IPCEF1: variants seen among roughly 807,000 people sequenced by gnomAD.
IPCEF1 encodes the protein interactor protein for cytohesin exchange factors 1.
IPCEF1 carries 31 observed loss-of-function variants against 50.9 expected under a neutral mutation model. That is an observed-to-expected ratio of 0.61 (90% CI 0.46 to 0.82). IPCEF1 has a LOEUF of 0.82. IPCEF1 is among the 40% of genes least tolerant of loss of function. The pLI is 0.00. For missense variants in IPCEF1, 458 were observed against 514.0 expected (o/e 0.89, Z 1.05); for synonymous variants, 181 against 192.0 (o/e 0.94, Z 0.47).
At chr6:154,243,905 C>T (rs564467494) in intron 5 of IPCEF1, among the ~76,000 whole-genome samples, 1 of 152,266 alleles carries the variant, frequency 6.6e-6, no homozygotes. Context: ...TAAATGAGAG[C>T]ATATATGCAA....
chr6:154,310,972 A>G lies in IPCEF1; in HGVS notation c.-61-21216T>C, dbSNP rs115143469. Among the ~76,000 whole-genome samples the G allele has an allele frequency of 1.5e-3, 221 of 152,220 alleles. 2 individuals carry two copies. The highest frequency in any genetic ancestry group is 5.1e-3 in the African/African-American group (211 of 41,548). On this transcript the variant is annotated intron_variant, in intron 1 of 11. Transcript: ENST00000367220. ...TGGTGAACACAGTTAATAATAATGT[A>G]TTGTATATTGCAGAATTGTTAAAAG...
At chr6:154,263,097 T>C (rs2128653081) in intron 3 of IPCEF1, among the ~76,000 whole-genome samples, 1 of 152,130 alleles carries the variant, frequency 6.6e-6, no homozygotes, top group East Asian at 1.9e-4. Flanking sequence ...TAAAATGGAA[T>C]TTTTCCTATT....
intron 9 of IPCEF1, among the ~76,000 whole-genome samples, chr6:154,209,509 T>C (rs1202031380): frequency 6.6e-6 from 1 of 151,962 alleles, no homozygotes; most frequent in Non-Finnish European, 1.5e-5. Flanking sequence ...TCACCAGGTA[T>C]GGTGGTGCAC....
chr6:154,177,019 C>T (rs1349155473), intron 10 of IPCEF1, among the ~76,000 whole-genome samples: 1 of 152,092 alleles, frequency 6.6e-6, no homozygotes. Context: ...ACAAACCTGA[C>T]AAAAACAAGC....
chr6:154,339,160 G>A (rs973930261), intron 1 of IPCEF1, among the ~76,000 whole-genome samples: 4 of 151,958 alleles, frequency 2.6e-5, no homozygotes, highest in East Asian at 3.9e-4. Flanking sequence ...TGTGCTCCTC[G>A]GTGGCCATTC....
chr6:154,313,131 G>A (rs1783127060), intron 1 of IPCEF1, among the ~76,000 whole-genome samples: 1 of 148,798 alleles, frequency 6.7e-6, no homozygotes, highest in Non-Finnish European at 1.5e-5. Flanking sequence ...CAGCATTTTG[G>A]GAGACTGTGG....
chr6:154,305,609 T>C (rs1240772661), intron 1 of IPCEF1, among the ~76,000 whole-genome samples: 1 of 152,148 alleles, frequency 6.6e-6, no homozygotes, highest in Non-Finnish European at 1.5e-5. Context: ...GTCAACTGGA[T>C]TGGATTGAAG....
At chr6:154,254,832 G>A (rs1273634752) in intron 3 of IPCEF1, among the ~76,000 whole-genome samples, 1 of 151,930 alleles carries the variant, frequency 6.6e-6, no homozygotes, top group Admixed American at 6.6e-5. Flanking sequence ...TCATAGGTGA[G>A]TTTAATCTAC....
intron 1 of IPCEF1, among the ~76,000 whole-genome samples, chr6:154,356,205 C>T (rs1784214884): frequency 6.6e-6 from 1 of 152,132 alleles, no homozygotes; most frequent in African/African-American, 2.4e-5. Flanking sequence ...CATTTTTATA[C>T]CAGAGATATT....
At chr6:154,194,113 T>A (rs1325641086) in intron 10 of IPCEF1, among the ~76,000 whole-genome samples, 1 of 152,084 alleles carries the variant, frequency 6.6e-6, no homozygotes, top group Non-Finnish European at 1.5e-5. Context: ...CAAACTGTTT[T>A]ACATCTAAAA....
chr6:154,174,154 C>T (rs1347614010), intron 10 of IPCEF1, among the ~76,000 whole-genome samples: 6 of 152,142 alleles, frequency 3.9e-5, no homozygotes, highest in Admixed American at 3.9e-4. Flanking sequence ...GCCTGCCTTA[C>T]AAGAGCTCCT....
At chr6:154,170,958 A>G (rs1431808166) in intron 10 of IPCEF1, among the ~76,000 whole-genome samples, 2 of 151,834 alleles carry the variant, frequency 1.3e-5, no homozygotes. Flanking sequence ...GCAGCCTTGA[A>G]CTCCTGGACT....
intron 1 of IPCEF1, among the ~76,000 whole-genome samples, chr6:154,318,712 C>CAA (rs57436031): frequency 0.025 from 2,451 of 98,666 alleles, 79 homozygotes; most frequent in African/African-American, 0.087. Context: ...GACCCTGTCT[C>CAA]AAAAAAAAAA....
At chr6:154,279,114 C>T (rs531900342) in intron 2 of IPCEF1, among the ~76,000 whole-genome samples, 21 of 150,458 alleles carry the variant, frequency 1.4e-4, no homozygotes, top group African/African-American at 3.2e-4. Flanking sequence ...CAGAGCCAGA[C>T]CCTGTCTCAA....
At chr6:154,329,075 C>T (rs1233398777) in intron 1 of IPCEF1, among the ~76,000 whole-genome samples, 2 of 152,202 alleles carry the variant, frequency 1.3e-5, no homozygotes, top group Middle Eastern at 3.4e-3. Flanking sequence ...TTAGTTCAGA[C>T]TCTAATGTTT....
intron 1 of IPCEF1, among the ~76,000 whole-genome samples, chr6:154,296,871 C>A (rs140953071): frequency 2.0e-5 from 3 of 150,984 alleles, no homozygotes; most frequent in African/African-American, 7.3e-5. Flanking sequence ...TCATCCTCAA[C>A]GGTTTTGGAT....
At chr6:154,265,772 G>C (rs1583923462) in intron 3 of IPCEF1, 140 bp downstream of exon 3, 1 of 660,618 alleles carries the variant, frequency 1.5e-6, no homozygotes, top group African/African-American at 1.8e-5. Flanking sequence ...TTTAAATCTA[G>C]CAACAGTGTC....
At chr6:154,243,519 G>A (rs1366821251) in intron 5 of IPCEF1, among the ~76,000 whole-genome samples, 2 of 152,164 alleles carry the variant, frequency 1.3e-5, no homozygotes, top group Non-Finnish European at 2.9e-5. Context: ...ACAGAAGAGA[G>A]GTGAGGCTGG....
intron 10 of IPCEF1, among the ~76,000 whole-genome samples, chr6:154,181,708 A>G (rs1800890784): frequency 6.6e-6 from 1 of 152,196 alleles, no homozygotes; most frequent in Non-Finnish European, 1.5e-5. Flanking sequence ...TTGTACCTCA[A>G]ATTCTGTCTC....
Sources: allele counts gnomAD v4.1 joint callset (sites outside exome capture counted in the v4.1 genomes callset), GRCh38; gene constraint gnomAD v4.1.1; transcripts MANE v1.5; gene names NCBI Gene and HGNC (gene_info 2026-07-23, HGNC 2026-07-21).